The following GRID1 variants were observed in gnomAD, a reference collection of about 807,000 sequenced individuals.
GRID1 encodes the protein glutamate receptor ionotropic, delta-1.
A neutral mutation model predicts 98.0 loss-of-function variants in GRID1; 28 were observed. The ratio of observed to expected loss-of-function variants is 0.29; its 90% confidence interval spans 0.21 to 0.39. The LOEUF is 0.39. Ranked by LOEUF, GRID1 falls within the 10% of genes least tolerant of loss-of-function variation. GRID1 has a pLI of 1.00. For missense variants in GRID1, 1,111 were observed against 1,340.5 expected (o/e 0.83, Z 2.67); for synonymous variants, 553 against 538.5 (o/e 1.03, Z -0.37).
At chr10:86,251,908 T>C (rs1846841160) in intron 2 of GRID1, among the ~76,000 whole-genome samples, 1 of 152,054 alleles carries the variant, frequency 6.6e-6, no homozygotes, top group South Asian at 2.1e-4. Flanking sequence ...ACCTCCCCCA[T>C]GGGATAGGCA....
intron 2 of GRID1, among the ~76,000 whole-genome samples, chr10:86,304,963 G>A (rs1466443141): frequency 6.6e-6 from 1 of 152,120 alleles, no homozygotes; most frequent in Non-Finnish European, 1.5e-5. Context: ...TCTAGGCTAT[G>A]GGGGCCAGTT....
At chr10:85,724,821 T>C (rs951718766) in intron 10 of GRID1, 145 bp from the exon 11 acceptor site, 5 of 611,488 alleles carry the variant, frequency 8.2e-6, no homozygotes, top group East Asian at 2.8e-5. Flanking sequence ...GTCTGAATAT[T>C]ATAAGGAAAA....
At position 85,768,337 on chromosome 10, in the gene GRID1, T is replaced by G. The variant is rs955072798; in HGVS notation, c.1234-38723A>C. On this transcript the variant is annotated intron_variant, in intron 8 of 15. Transcript: ENST00000327946. ...ACTATAAAATTTCTAGAAGGTAACA[T>G]TGAAAAATTATTTAAAATGTAGAGA... Among the ~76,000 whole-genome samples, 3 of 151,970 alleles carry G rather than the reference T, an allele frequency of 2.0e-5. No individual in the cohort carries two copies. The East Asian group carries it at 5.8e-4, about 29-fold the overall frequency.
At chr10:85,901,778 T>G (rs140733640) in intron 5 of GRID1, among the ~76,000 whole-genome samples, 1 of 152,138 alleles carries the variant, frequency 6.6e-6, no homozygotes, top group Admixed American at 6.5e-5. Context: ...TCGGTCCTGC[T>G]CCCAAAACCC....
Position 85,942,547 on chromosome 10 carries a change from T to C in GRID1, c.727-26308A>G, listed in dbSNP as rs182075560. On this transcript the variant is annotated intron_variant, in intron 4 of 15. Transcript: ENST00000327946. ...CCCAGCTTCCTCTCCTTCCTGCAGC[T>C]ACTGTAATCTTTATCTCTTTTGCAT... is the stretch of plus-strand genomic sequence containing the variant. Among the ~76,000 whole-genome samples, 14 of 152,302 alleles carry C rather than the reference T, an allele frequency of 9.2e-5. No individual in the cohort carries two copies. The East Asian group carries it at 2.7e-3, about 29-fold the overall frequency.
Position 85,714,280 on chromosome 10 carries a change from G to A in GRID1, c.1997+8723C>T, listed in dbSNP as rs780597932. ...AGGGTGGAGGTTAGGAGGAAGGAGC[G>A]TATCAGAAAAAAATGGCTATCAAGT... On this transcript the variant is annotated intron_variant, in intron 12 of 15. Coordinates refer to ENST00000327946, the MANE Select transcript of GRID1 (RefSeq NM_017551.3). Among the ~76,000 whole-genome samples, 306 of 151,916 alleles carry A rather than the reference G, an allele frequency of 2.0e-3. 2 individuals carry two copies. The highest frequency in any genetic ancestry group is 7.5e-3 in the South Asian group (36 of 4,824).
chr10:85,627,375 T>C (rs945754047), intron 13 of GRID1, among the ~76,000 whole-genome samples: 5 of 152,238 alleles, frequency 3.3e-5, no homozygotes, highest in African/African-American at 1.2e-4. Context: ...GCTTGACATA[T>C]GGTAAACGCT....
At chr10:85,633,644 C>T (rs1843000050) in intron 13 of GRID1, among the ~76,000 whole-genome samples, 2 of 152,162 alleles carry the variant, frequency 1.3e-5, no homozygotes, top group South Asian at 4.1e-4. Context: ...TCTCCAGGGG[C>T]TTATGTGGAA....
chr10:86,229,826 C>T (rs1846422924), intron 2 of GRID1, among the ~76,000 whole-genome samples: 1 of 152,184 alleles, frequency 6.6e-6, no homozygotes. Context: ...GCCCAGACAC[C>T]TCTCCTTCAG....
chr10:85,644,353 C>T (rs949205558), intron 13 of GRID1, among the ~76,000 whole-genome samples: 3 of 152,240 alleles, frequency 2.0e-5, no homozygotes, highest in African/African-American at 7.2e-5. Flanking sequence ...TCTCTCTTCT[C>T]TGCTGCTCTG....
intron 5 of GRID1, among the ~76,000 whole-genome samples, chr10:85,883,817 T>C (rs996919720): frequency 7.2e-5 from 11 of 152,162 alleles, no homozygotes; most frequent in South Asian, 4.1e-4. Flanking sequence ...ATGGGAGTTA[T>C]CAGTTCTGAA....
chr10:85,687,245 A>AG lies in GRID1; in HGVS notation c.1997+35757_1997+35758insC, dbSNP rs150996988. On this transcript the variant is annotated intron_variant, in intron 12 of 15. Transcript: ENST00000327946. Reference sequence around the variant, plus strand: ...TATTCATTGTTCCTCAAAGTCAAGTAAAAAAAAAAGTAATGATTTTATTAA... The same window carrying AG: ...TATTCATTGTTCCTCAAAGTCAAGTAGAAAAAAAAAGTAATGATTTTATTAA... Among the ~76,000 whole-genome samples, 776 of 127,712 alleles carry AG rather than the reference A, an allele frequency of 6.1e-3. 12 individuals are homozygous for AG. The highest frequency in any genetic ancestry group is 0.025 in the African/African-American group (742 of 29,182). The allele number at this position is 127,712 out of a possible 152,430, so 83.8% of individuals were successfully genotyped here. A position where few individuals can be genotyped will look rare whatever the true frequency, so the allele number is the denominator to read the frequency against.
chr10:85,763,910 G>A (rs995842347), intron 8 of GRID1, among the ~76,000 whole-genome samples: 6 of 152,168 alleles, frequency 3.9e-5, no homozygotes, highest in Admixed American at 3.3e-4. Context: ...TCTCTGTGTG[G>A]GGAGGCAGAT....
chr10:85,865,956 G>GATAT (rs1843215575), intron 6 of GRID1, among the ~76,000 whole-genome samples: 1 of 7,120 alleles, frequency 1.4e-4, no homozygotes, highest in African/African-American at 5.3e-4. Context: ...CATATATATG[G>GATAT]AGAGAGAGAG....
At position 86,238,453 on chromosome 10, in the gene GRID1, A is replaced by T. The variant is rs568786411; in HGVS notation, c.236-31805T>A. Among the ~76,000 whole-genome samples, 35 of 152,222 alleles carry T rather than the reference A, an allele frequency of 2.3e-4. No homozygotes were observed. The East Asian group carries it at 3.9e-3, about 17-fold the overall frequency. On this transcript the variant is annotated intron_variant, in intron 2 of 15. Transcript: ENST00000327946. Reference sequence around the variant, plus strand: ...GAGGCAGGCAGATCATGAGGTCAAGAGATTGAGACCATCCTGCCCCCCGTC... The same window carrying T: ...GAGGCAGGCAGATCATGAGGTCAAGTGATTGAGACCATCCTGCCCCCCGTC...
At chr10:86,098,295 C>A (rs1229425326) in intron 4 of GRID1, among the ~76,000 whole-genome samples, 1 of 152,218 alleles carries the variant, frequency 6.6e-6, no homozygotes, top group Non-Finnish European at 1.5e-5. Context: ...AAGATCCCTA[C>A]AGAATCTTAC....
chr10:85,820,064 A>AGGCT (rs1842752842), intron 8 of GRID1, among the ~76,000 whole-genome samples: 1 of 112,798 alleles, frequency 8.9e-6, no homozygotes, highest in Non-Finnish European at 1.8e-5. Context: ...GCAGGCAGGC[A>AGGCT]GGCAGGAAGG....
At chr10:85,879,106 T>C (rs958486485) in intron 5 of GRID1, among the ~76,000 whole-genome samples, 3 of 151,978 alleles carry the variant, frequency 2.0e-5, no homozygotes, top group Non-Finnish European at 2.9e-5. Flanking sequence ...TACAGGAGCA[T>C]CCAGATTCAT....
At chr10:86,022,744 C>T (rs137875318) in intron 4 of GRID1, among the ~76,000 whole-genome samples, 2,034 of 151,898 alleles carry the variant, frequency 0.013, 47 homozygotes, top group African/African-American at 0.046. Flanking sequence ...ATGGTGAAAC[C>T]TCATCTCTAC....
Sources: allele counts gnomAD v4.1 joint callset (sites outside exome capture counted in the v4.1 genomes callset), GRCh38; gene constraint gnomAD v4.1.1; transcripts MANE v1.5; gene names NCBI Gene and HGNC (gene_info 2026-07-23, HGNC 2026-07-21).